The following NCALD variants were observed in gnomAD, a reference collection of about 807,000 sequenced individuals.
NCALD encodes the protein neurocalcin-delta.
NCALD carries 10 observed loss-of-function variants against 18.6 expected under a neutral mutation model. That is an observed-to-expected ratio of 0.54 (90% CI 0.33 to 0.91). The LOEUF is 0.91. Among genes scored for constraint, NCALD ranks in the 40% least tolerant of loss-of-function variants. The probability of loss-of-function intolerance (pLI) is 0.03; values close to 1 mark genes in which losing one functional copy is unlikely to be tolerated. For missense variants in NCALD, 184 were observed against 247.6 expected, an observed-to-expected ratio of 0.74 and a Z score of 1.72; for synonymous variants, 88 against 87.4, an observed-to-expected ratio of 1.01 and a Z score of -0.04.
chr8:102,033,482 T>G (rs1477425233), intron 1 of NCALD, among the ~76,000 whole-genome samples: 1 of 152,188 alleles, frequency 6.6e-6, no homozygotes, highest in Non-Finnish European at 1.5e-5. Flanking sequence ...TCACAAAATT[T>G]TGCTACCTGT....
chr8:101,936,935 A>AT, intron 2 of NCALD, among the ~76,000 whole-genome samples: 1 of 152,220 alleles, frequency 6.6e-6, no homozygotes, highest in East Asian at 1.9e-4. Context: ...TAGGCATTTA[A>AT]TTTTTTCCTC....
At chr8:102,017,771 AC>A (rs1291263256) in intron 2 of NCALD, among the ~76,000 whole-genome samples, 2 of 152,202 alleles carry the variant, frequency 1.3e-5, no homozygotes, top group African/African-American at 4.8e-5. Flanking sequence ...AAAATGTAAA[AC>A]TTTCTACTCT....
chr8:101,813,734 T>C (rs979553888), intron 4 of NCALD, among the ~76,000 whole-genome samples: 3 of 152,032 alleles, frequency 2.0e-5, no homozygotes, highest in African/African-American at 7.2e-5. Context: ...AAATAGAACA[T>C]CTGCAGAAAC....
At chr8:101,981,894 G>T (rs1820631836) in intron 2 of NCALD, among the ~76,000 whole-genome samples, 2 of 152,262 alleles carry the variant, frequency 1.3e-5, no homozygotes, top group South Asian at 4.2e-4. Context: ...AAATGTCAAT[G>T]TTGGAAGTGG....
At chr8:102,054,065 C>T (rs1823546018) in intron 1 of NCALD, among the ~76,000 whole-genome samples, 1 of 152,180 alleles carries the variant, frequency 6.6e-6, no homozygotes, top group Admixed American at 6.5e-5. Context: ...ACCTTCATGG[C>T]ATCCCATACA....
chr8:101,698,395 AC>A (rs1372457717), intron 2 of NCALD, among the ~76,000 whole-genome samples: 1 of 152,226 alleles, frequency 6.6e-6, no homozygotes, highest in Non-Finnish European at 1.5e-5. Context: ...TTCCCATCAA[AC>A]TACCATTGAC....
intron 1 of NCALD, among the ~76,000 whole-genome samples, chr8:102,086,801 G>C (rs763208979): frequency 2.6e-4 from 40 of 152,170 alleles, no homozygotes; most frequent in Non-Finnish European, 5.3e-4. Flanking sequence ...GATGAGATAG[G>C]AGATCAGCAC....
At chr8:102,123,623 A>G (rs13248352) in intron 1 of NCALD, 6,511 of 152,436 alleles carry the variant, frequency 0.043, 170 homozygotes, top group South Asian at 0.073. Context: ...CACCCTTCCC[A>G]AGTCCTCGAG....
intron 2 of NCALD, among the ~76,000 whole-genome samples, chr8:102,009,236 C>T (rs1324631177): frequency 6.6e-6 from 1 of 152,184 alleles, no homozygotes; most frequent in Non-Finnish European, 1.5e-5. Flanking sequence ...GGTCCAATGA[C>T]CTTTCTATTA....
chr8:101,806,597 T>C (rs1158066561), intron 4 of NCALD, among the ~76,000 whole-genome samples: 2 of 152,042 alleles, frequency 1.3e-5, no homozygotes, highest in Admixed American at 1.3e-4. Flanking sequence ...GAAATGATAG[T>C]AGATTTAAAT....
At chr8:101,906,422 G>A (rs73696560) in intron 3 of NCALD, among the ~76,000 whole-genome samples, 7,026 of 152,202 alleles carry the variant, frequency 0.046, 258 homozygotes, top group African/African-American at 0.1. Context: ...TTTGCATACC[G>A]TTCGGTCTCC....
chr8:101,950,113 T>TC (rs1819334260), intron 2 of NCALD: 1 of 152,254 alleles, frequency 6.6e-6, no homozygotes, highest in Non-Finnish European at 1.5e-5. Flanking sequence ...CCTTGCTCTC[T>TC]CCCCAAACCC....
chr8:101,813,215 G>A (rs531197177), intron 4 of NCALD, among the ~76,000 whole-genome samples: 18 of 152,094 alleles, frequency 1.2e-4, no homozygotes, highest in Non-Finnish European at 2.5e-4. Flanking sequence ...GAGTTTTACA[G>A]AAGGGCTCCC....
At chr8:102,002,247 A>C (rs28855196) in intron 2 of NCALD, among the ~76,000 whole-genome samples, 29,652 of 152,076 alleles carry the variant, frequency 0.19, 3,657 homozygotes, top group African/African-American at 0.34. Flanking sequence ...ATAAAACAGA[A>C]TTTAAACCAA....
chr8:101,784,073 G>C (rs1812122968), intron 1 of NCALD, among the ~76,000 whole-genome samples: 2 of 152,090 alleles, frequency 1.3e-5, no homozygotes, highest in South Asian at 4.2e-4. Context: ...CTTTTATTTT[G>C]TCCATGAAAC....
chr8:101,865,923 T>C (rs1382202605), intron 4 of NCALD, among the ~76,000 whole-genome samples: 4 of 152,230 alleles, frequency 2.6e-5, no homozygotes, highest in Non-Finnish European at 5.9e-5. Flanking sequence ...ATAATAATCT[T>C]AGGTCAATTA....
chr8:101,875,169 T>C (rs1349258080), intron 4 of NCALD, among the ~76,000 whole-genome samples: 1 of 152,234 alleles, frequency 6.6e-6, no homozygotes, highest in Non-Finnish European at 1.5e-5. Context: ...TTATTTTTCA[T>C]TTCACAGATG....
chr8:102,104,823 T>G (rs1825396440), intron 1 of NCALD, among the ~76,000 whole-genome samples: 1 of 152,204 alleles, frequency 6.6e-6, no homozygotes, highest in Non-Finnish European at 1.5e-5. Flanking sequence ...TTCCCAGGGA[T>G]GGACAATGAC....
At chr8:101,961,261 A>G (rs967749238) in intron 2 of NCALD, among the ~76,000 whole-genome samples, 2 of 152,190 alleles carry the variant, frequency 1.3e-5, no homozygotes, top group African/African-American at 4.8e-5. Flanking sequence ...ATAAGTCAAT[A>G]ACATTGTGGT....
Sources: gnomAD v4.1 joint callset for allele counts (sites outside exome capture counted in the v4.1 genomes callset) on GRCh38, gnomAD v4.1.1 for gene constraint, MANE v1.5 for transcripts, NCBI Gene and HGNC (gene_info 2026-07-23, HGNC 2026-07-21) for gene names.